The following SMAD3 variants were observed in gnomAD, a reference collection of about 807,000 sequenced individuals.
SMAD3 encodes the protein SMAD family member 3, also known as MAD homolog 3.
Under a neutral mutation model 51.8 loss-of-function variants are expected in SMAD3, and 12 were observed. The observed-to-expected ratio is 0.23, with a 90% CI of 0.15 to 0.38. The LOEUF is 0.38. SMAD3 is among the 10% of genes least tolerant of loss of function. SMAD3 has a pLI of 1.00. For synonymous variants in SMAD3, 238 were observed against 227.7 expected, an observed-to-expected ratio of 1.05 and a Z score of -0.41; for missense variants, 294 against 565.6, an observed-to-expected ratio of 0.52 and a Z score of 4.87.
chr15:67,190,386 C>A, intron 8 of SMAD3, 27 bp from the exon 9 acceptor site: 1 of 1,610,524 alleles, frequency 6.2e-7, no homozygotes, highest in African/African-American at 1.3e-5. Context: ...AAGTCCCCCA[C>A]CCCACCCCTT....
rs969967191 is a variant in SMAD3 at position 67,087,041 on chromosome 15, G to A, written c.206+20681G>A. Among the ~76,000 whole-genome samples, 11 of 152,024 alleles carry A rather than the reference G, an allele frequency of 7.2e-5. 1 individual carries two copies. The highest frequency in any genetic ancestry group is 1.3e-4 in the Admixed American group (2 of 15,264). ...CTCCCAAGTAGCTGGTATTACAGGC[G>A]CCTGCCACCACACCTGGCTAATTTT... On this transcript the variant is annotated intron_variant, in intron 1 of 8. Coordinates refer to ENST00000327367, the MANE Select transcript of SMAD3 (RefSeq NM_005902.4).
At chr15:67,072,958 C>G (rs1190972771) in intron 1 of SMAD3, among the ~76,000 whole-genome samples, 1 of 152,206 alleles carries the variant, frequency 6.6e-6, no homozygotes, top group Non-Finnish European at 1.5e-5. Context: ...GTACCAGGTG[C>G]TAATTTCTGT....
intron 1 of SMAD3, among the ~76,000 whole-genome samples, chr15:67,073,717 C>T (rs1960106693): frequency 6.6e-6 from 1 of 152,116 alleles, no homozygotes. Context: ...TCTTGTTGCC[C>T]AGGCTAAAGT....
At chr15:67,164,316 G>GAAAAAAA (rs59880604) in intron 1 of SMAD3, among the ~76,000 whole-genome samples, 2 of 83,666 alleles carry the variant, frequency 2.4e-5, no homozygotes, top group Non-Finnish European at 4.6e-5. Flanking sequence ...CTCCGTCTCA[G>GAAAAAAA]AAAAAAAAAA....
chr15:67,160,032 T>C (rs1307746202), intron 1 of SMAD3, among the ~76,000 whole-genome samples: 1 of 152,250 alleles, frequency 6.6e-6, no homozygotes, highest in Non-Finnish European at 1.5e-5. Context: ...TGGTGGATCA[T>C]ATGGTAGGCT....
intron 1 of SMAD3, among the ~76,000 whole-genome samples, chr15:67,115,465 A>G (rs1037126602): frequency 6.6e-5 from 10 of 152,164 alleles, no homozygotes; most frequent in Admixed American, 5.2e-4. Flanking sequence ...TTTAGTTGCT[A>G]TTTCCATCTA....
At chr15:67,153,393 G>A (rs1175892405) in intron 1 of SMAD3, among the ~76,000 whole-genome samples, 1 of 151,428 alleles carries the variant, frequency 6.6e-6, no homozygotes, top group Non-Finnish European at 1.5e-5. Context: ...GCAGAAGGCT[G>A]AGGCAGGAGA....
Position 67,165,093 on chromosome 15 carries a change from G to T in SMAD3, c.400+5G>T, listed in dbSNP as rs766829176. ...ACCAGAGAGTAGAGACACCAGGTAT[G>T]CTGCCTGGCCTGCCTGTGGGGACAG... On this transcript the variant is annotated splice_donor_5th_base_variant and intron_variant, in intron 2 of 8. Transcript: ENST00000327367. 12 of 1,613,556 alleles carry T rather than the reference G, an allele frequency of 7.4e-6. No individual in the cohort carries two copies. The highest frequency in any genetic ancestry group is 6.7e-5 in the Admixed American group (4 of 60,010).
At chr15:67,187,277 AG>A in intron 7 of SMAD3, 87 bp from the exon 8 acceptor site, 1 of 1,504,408 alleles carries the variant, frequency 6.6e-7, no homozygotes. Flanking sequence ...AGGCTGGTCT[AG>A]GGGGTCCAGG....
chr15:67,068,673 C>T (rs985482860), intron 1 of SMAD3, among the ~76,000 whole-genome samples: 7 of 152,050 alleles, frequency 4.6e-5, no homozygotes, highest in African/African-American at 1.7e-4. Flanking sequence ...TAGGGAAACC[C>T]AGTTGCTTGG....
At chr15:67,085,897 CACAT>C (rs1201503287) in intron 1 of SMAD3, among the ~76,000 whole-genome samples, 40 of 32,340 alleles carry the variant, frequency 1.2e-3, no homozygotes, top group African/African-American at 3.5e-3. Context: ...CACACACACA[CACAT>C]ACACAGAGAA....
chr15:67,134,961 G>C (rs1008529327), intron 1 of SMAD3, among the ~76,000 whole-genome samples: 1 of 152,188 alleles, frequency 6.6e-6, no homozygotes, highest in African/African-American at 2.4e-5. Context: ...TGGAACCGAA[G>C]CTGGCTGCCC....
At chr15:67,098,753 C>G (rs1482105995) in intron 1 of SMAD3, 1 of 637,766 alleles carries the variant, frequency 1.6e-6, no homozygotes, top group Non-Finnish European at 2.8e-6. Context: ...GTGGAGGCCT[C>G]CACAGCCCCC....
chr15:67,068,459 T>C (rs1238661400), intron 1 of SMAD3, among the ~76,000 whole-genome samples: 1 of 152,196 alleles, frequency 6.6e-6, no homozygotes, highest in African/African-American at 2.4e-5. Context: ...TGTGGGGCCA[T>C]ACCTTTGGCC....
At chr15:67,136,328 C>CT (rs11355676) in intron 1 of SMAD3, among the ~76,000 whole-genome samples, 217 of 137,154 alleles carry the variant, frequency 1.6e-3, no homozygotes, top group South Asian at 4.8e-3. Context: ...GTCAGTCATT[C>CT]TTTTTTTTTT....
rs1959890063 is a variant in SMAD3, at chr15:67,065,607, A to G, written c.-548A>G. On this transcript the variant is annotated 5_prime_UTR_variant, in exon 1 of 9. Transcript: ENST00000327367. ...GGCTGCACGCGGATTTGCATGAAAC[A>G]CAGACTGGGAGCGGGCGGGAGCGGG... is the stretch of plus-strand genomic sequence containing the variant. Among the ~76,000 whole-genome samples, 1 of 148,274 alleles carries G rather than the reference A, an allele frequency of 6.7e-6. No individual in the cohort carries two copies. Among genetic ancestry groups the G allele is most frequent in the Admixed American group, 6.7e-5 (1 of 15,024 alleles).
In SMAD3 at chr15:67,066,349, C is replaced by T. The variant is rs368462984; in HGVS notation, c.195C>T (p.Ile65=). ...CGCAGAACGTCAACACCAAGTGCAT[C>T]ACCATCCCCAGGTGGGGGCCCGCCC... ...ITTQNVNTKC[I]TIPRSLDGRL... The change falls in exon 1 of 9, where the codon ATC becomes ATT. Residue 65 remains isoleucine (I), a synonymous_variant. Coordinates refer to ENST00000327367, the MANE Select transcript of SMAD3 (RefSeq NM_005902.4). 47 of 1,612,954 alleles carry T rather than the reference C, an allele frequency of 2.9e-5. No individual in the cohort carries two copies. The highest frequency in any genetic ancestry group is 9.9e-5 in the South Asian group (9 of 91,036).
intron 1 of SMAD3, among the ~76,000 whole-genome samples, chr15:67,151,848 T>A (rs1962154566): frequency 1.3e-5 from 2 of 152,132 alleles, no homozygotes; most frequent in Non-Finnish European, 2.9e-5. Context: ...CTCCTTCTAT[T>A]TGAAACTATG....
At chr15:67,113,063 T>A (rs1961051877) in intron 1 of SMAD3, among the ~76,000 whole-genome samples, 1 of 60,002 alleles carries the variant, frequency 1.7e-5, no homozygotes, top group African/African-American at 6.9e-5. Context: ...ACTTTTAAAA[T>A]ATATATATAT....
Sources: gnomAD v4.1 joint callset for allele counts (sites outside exome capture counted in the v4.1 genomes callset) on GRCh38, gnomAD v4.1.1 for gene constraint, MANE v1.5 for transcripts, NCBI Gene and HGNC (gene_info 2026-07-23, HGNC 2026-07-21) for gene names.